Variants in TSFM observed in about 807,000 individuals in gnomAD.
The protein encoded by TSFM is elongation factor Ts, mitochondrial.
A neutral mutation model predicts 33.4 loss-of-function variants in TSFM; 29 were observed. That is an observed-to-expected ratio of 0.87 (90% confidence interval 0.65 to 1.18). The LOEUF is 1.18. TSFM is among the 50% of genes most tolerant of loss of function. TSFM has a pLI of 0.00. For missense variants in TSFM, 394 were observed against 395.6 expected (o/e 1.00, Z 0.04); for synonymous variants, 178 against 163.5 (o/e 1.09, Z -0.68).
At chr12:57,787,237 A>AT in intron 4 of TSFM, 75 bp downstream of exon 4, 1 of 1,399,608 alleles carries the variant, frequency 7.1e-7, no homozygotes, top group Non-Finnish European at 9.8e-7. Context: ...TATTGTAGAC[A>AT]TTCTCATGTC....
intron 4 of TSFM, among the ~76,000 whole-genome samples, chr12:57,790,797 GT>G (rs1042313254): frequency 2.3e-4 from 32 of 141,826 alleles, no homozygotes; most frequent in South Asian, 4.4e-4. Flanking sequence ...TTAAATGTGT[GT>G]TTTTTTTTTT....
rs765871977 is a variant in TSFM, at chr12:57,782,811, C to T, written c.10C>T (p.Leu4=). MSL[L]RSLRVFLVAR... is the part of the protein sequence containing the mutation. ...TATCGCGGCTAGAGAGATGTCGCTG[C>T]TGCGGTCGCTGCGCGTGTTTCTGGT... Residue 4 remains leucine, a synonymous_variant, in exon 1 of 6, where the codon CTG becomes TTG. Transcript: ENST00000652027. 1.1e-5 allele frequency: 18 copies of T among 1,591,704 alleles called. No individual in the cohort carries two copies. In the Admixed American group the frequency reaches 3.0e-4, roughly 27 times the overall value.
At chr12:57,801,740 CAAAAA>C, downstream of TSFM, among the ~76,000 whole-genome samples, 1 of 150,486 alleles carries the variant, frequency 6.6e-6, no homozygotes, top group East Asian at 1.9e-4. Flanking sequence ...AATTCTGTCT[CAAAAA>C]AAGAAAAAAA....
chr12:57,800,436 C>T (rs1363991129), downstream of TSFM: 4 of 153,774 alleles, frequency 2.6e-5, no homozygotes, highest in Non-Finnish European at 5.8e-5. Flanking sequence ...CTAGAGGCTC[C>T]ACTTCTTTTA....
Position 57,796,952 on chromosome 12 carries a change from G to T in TSFM, c.*369G>T. 1 of 989,882 alleles carries T rather than the reference G, an allele frequency of 1.0e-6. No individual in the cohort carries two copies. The highest frequency in any genetic ancestry group is 1.2e-6 in the Non-Finnish European group (1 of 833,160). The allele number at this position is 989,882 out of a possible 1,614,324, so 61.3% of individuals were successfully genotyped here. A position where few individuals can be genotyped will look rare whatever the true frequency, so the allele number is the denominator to read the frequency against. ...TTTTTGCTTTGCGACACTGTGAACC[G>T]TGCTTCTGCCTCGGAACCTCCCTAG... On this transcript the variant is annotated 3_prime_UTR_variant, in exon 6 of 6. Coordinates refer to ENST00000652027, the MANE Select transcript of TSFM (RefSeq NM_005726.6).
chr12:57,788,585 C>T (rs1463456487), intron 4 of TSFM, among the ~76,000 whole-genome samples: 3 of 151,934 alleles, frequency 2.0e-5, no homozygotes, highest in Non-Finnish European at 2.9e-5. Context: ...CCCCAGTGTA[C>T]TCTTTTTCCA....
At chr12:57,801,424 T>G (rs1955845920), downstream of TSFM, 2 of 420,038 alleles carry the variant, frequency 4.8e-6, no homozygotes, top group Admixed American at 8.0e-5. Flanking sequence ...AACCCCTCAG[T>G]CCTCCCAATA....
intron 2 of TSFM, among the ~76,000 whole-genome samples, chr12:57,785,625 A>G (rs938943701): frequency 3.9e-5 from 6 of 152,198 alleles, no homozygotes; most frequent in East Asian, 3.8e-4. Context: ...TAAAATAACA[A>G]TAAAGCATAT....
downstream of TSFM, chr12:57,802,213 C>T: frequency 6.2e-7 from 1 of 1,614,088 alleles, no homozygotes; most frequent in Non-Finnish European, 8.5e-7. Flanking sequence ...ATGGGAGGCT[C>T]AAACCCCTGC....
chr12:57,792,705 G>A (rs942751140), intron 4 of TSFM, among the ~76,000 whole-genome samples: 9 of 151,846 alleles, frequency 5.9e-5, no homozygotes, highest in African/African-American at 9.7e-5. Context: ...CGATTCTCAC[G>A]TCTCAGGCTC....
chr12:57,783,889 T>A, intron 2 of TSFM: 1 of 693,966 alleles, frequency 1.4e-6, no homozygotes, highest in Non-Finnish European at 2.6e-6. Flanking sequence ...GTGGTGGGAT[T>A]ACAGGAGTGA....
At chr12:57,788,402 G>A (rs1955617248) in intron 4 of TSFM, among the ~76,000 whole-genome samples, 1 of 151,560 alleles carries the variant, frequency 6.6e-6, no homozygotes, top group Non-Finnish European at 1.5e-5. Flanking sequence ...TCAGACTCCC[G>A]AGTAGCTGGG....
chr12:57,795,755 C>T (rs1251409007), intron 5 of TSFM, among the ~76,000 whole-genome samples: 1 of 152,070 alleles, frequency 6.6e-6, no homozygotes, highest in Non-Finnish European at 1.5e-5. Flanking sequence ...GTTGGGATTA[C>T]AGGTGCACAC....
chr12:57,786,198 G>C lies in TSFM; in HGVS notation c.267G>C (p.Glu89Asp). 6.2e-7 allele frequency: 1 copy of C among 1,609,532 alleles called. No homozygotes were observed. ...GGCTCCACAAGGAGGCCCAGAAGGA[G>C]GGCTGGAGCAAAGCTGCCAAGCTCC... The part of the protein sequence containing the change: ...EIWLHKEAQK[E>D]GWSKAAKLQG... The change falls in exon 3 of 6, where the codon GAG (glutamate) becomes GAC (aspartate). Residue 89 changes from glutamate (E) to aspartate (D), a missense_variant. Physicochemically the swap from Glu to Asp is conservative, Grantham distance 45. Around this residue, in one of 3 missense-constraint regions of TSFM, gnomAD observed 208 missense variants for 180.4 expected, o/e 1.15. Coordinates refer to ENST00000652027, the MANE Select transcript of TSFM (RefSeq NM_005726.6).
rs775178821 is a variant in TSFM at position 57,793,046 on chromosome 12, C to T, written c.544C>T (p.Leu182Phe). 3.1e-6 allele frequency: 5 copies of T among 1,613,552 alleles called. No homozygotes were observed. Among genetic ancestry groups the T allele is most frequent in the Middle Eastern group, 3.3e-4 (2 of 6,084 alleles). Reference sequence around the variant, plus strand: ...AGCTGGGCCTGACAGAGAAGGCTCACTCAAGGATCAGTTGGCTTTAGCAAT... The same window carrying T: ...AGCTGGGCCTGACAGAGAAGGCTCATTCAAGGATCAGTTGGCTTTAGCAAT... ...LPAGPDREGS[L>F]KDQLALAIGK... Residue 182 changes from leucine to phenylalanine, a missense_variant, in exon 5 of 6, where the codon CTC becomes TTC. Physicochemically the swap from Leu to Phe is conservative, Grantham distance 22. Coordinates refer to ENST00000652027, the MANE Select transcript of TSFM (RefSeq NM_005726.6).
rs1025482438 is a variant in TSFM at position 57,786,091 on chromosome 12, T to C, written c.232-72T>C. ...AATTTAGAGAATCAGGAAACCTGAG[T>C]ATATCTTAGAACTACATTTAGTGCT... On this transcript the variant is annotated intron_variant, in intron 2 of 5. Transcript: ENST00000652027. 8 of 1,446,940 alleles carry C rather than the reference T, an allele frequency of 5.5e-6. No homozygotes were observed. The African/African-American group carries it at 1.0e-4, about 18-fold the overall frequency. The allele number at this position is 1,446,940 out of a possible 1,614,324, so 89.6% of individuals were successfully genotyped here.
chr12:57,785,537 T>A (rs532996295), intron 2 of TSFM, among the ~76,000 whole-genome samples: 9 of 152,264 alleles, frequency 5.9e-5, no homozygotes, highest in African/African-American at 1.7e-4. Flanking sequence ...GCGCGATAGA[T>A]CTTGGTTCAC....
intron 5 of TSFM, among the ~76,000 whole-genome samples, chr12:57,795,396 G>A (rs1352418368): frequency 1.3e-5 from 2 of 151,954 alleles, no homozygotes; most frequent in African/African-American, 4.8e-5. Context: ...CACCACGGCT[G>A]GCTGCTTTTA....
chr12:57,783,302 G>A lies in TSFM; in HGVS notation c.231+19G>A. ...CAAACAGGTGTGTGTGTGGAGGGGT[G>A]CAGGGCGGAGTACTAGAGCTCGACC... On this transcript the variant is annotated intron_variant, in intron 2 of 5. Coordinates refer to ENST00000652027, the MANE Select transcript of TSFM (RefSeq NM_005726.6). 1 of 1,613,530 alleles carries A rather than the reference G, an allele frequency of 6.2e-7. No homozygotes were observed. Among genetic ancestry groups the A allele is most frequent in the Non-Finnish European group, 8.5e-7 (1 of 1,179,846 alleles).
Sources: allele counts gnomAD v4.1 joint callset (sites outside exome capture counted in the v4.1 genomes callset), GRCh38; gene constraint gnomAD v4.1.1; regional missense constraint gnomAD v4.1.1; transcripts MANE v1.5; gene names NCBI Gene and HGNC (gene_info 2026-07-23, HGNC 2026-07-21).